Variants in WDPCP observed in about 807,000 individuals in gnomAD.
WDPCP encodes WD repeat-containing and planar cell polarity effector protein fritz homolog.
A neutral mutation model predicts 93.1 loss-of-function variants in WDPCP; 71 were observed. The ratio of observed to expected loss-of-function variants is 0.76; its 90% CI spans 0.63 to 0.93. The LOEUF (loss-of-function observed/expected upper bound fraction) is 0.93, where lower values mean the gene tolerates loss of function less well. Among genes scored for constraint, WDPCP ranks in the 40% least tolerant of loss-of-function variants. The pLI, the probability that WDPCP is intolerant of heterozygous loss-of-function variation, is 0.00. For missense variants in WDPCP, 844 were observed against 887.4 expected (o/e 0.95, Z 0.62); for synonymous variants, 315 against 315.0 (o/e 1.00, Z 0.00).
intron 1 of WDPCP, among the ~76,000 whole-genome samples, chr2:63,493,838 A>T (rs1018288683): frequency 9.2e-5 from 14 of 152,202 alleles, no homozygotes; most frequent in Non-Finnish European, 1.5e-4. Context: ...TAAACTATGG[A>T]CATTTTCTTT....
At chr2:63,558,081 A>G (rs1294189063) in intron 1 of WDPCP, among the ~76,000 whole-genome samples, 1 of 152,208 alleles carries the variant, frequency 6.6e-6, no homozygotes, top group Admixed American at 6.5e-5. Context: ...ATCACAACTA[A>G]AAGAGCTAGA....
At chr2:63,173,079 T>C (rs1018354759) in intron 15 of WDPCP, among the ~76,000 whole-genome samples, 2 of 152,076 alleles carry the variant, frequency 1.3e-5, no homozygotes, top group Non-Finnish European at 2.9e-5. Context: ...CTGGCCAACA[T>C]GGTGAAACCC....
chr2:63,266,815 A>C (rs1208882843), intron 13 of WDPCP, among the ~76,000 whole-genome samples: 2 of 152,120 alleles, frequency 1.3e-5, no homozygotes, highest in Non-Finnish European at 2.9e-5. Context: ...CAATCAATCA[A>C]TCAATCAATA....
intron 1 of WDPCP, among the ~76,000 whole-genome samples, chr2:63,500,421 T>A (rs944237729): frequency 1.3e-5 from 2 of 151,008 alleles, no homozygotes; most frequent in African/African-American, 4.9e-5. Flanking sequence ...TAATATAGTG[T>A]CAAGAAAGCC....
At chr2:63,137,632 G>A (rs1249428509) in intron 17 of WDPCP, among the ~76,000 whole-genome samples, 1 of 151,964 alleles carries the variant, frequency 6.6e-6, no homozygotes, top group Non-Finnish European at 1.5e-5. Context: ...CTGTGCCCAT[G>A]CCTGTGTCCT....
At chr2:63,474,994 T>G (rs1699893225) in intron 6 of WDPCP, among the ~76,000 whole-genome samples, 1 of 152,166 alleles carries the variant, frequency 6.6e-6, no homozygotes, top group African/African-American at 2.4e-5. Context: ...TTTTCTGCCT[T>G]AAGCATGTCT....
intron 13 of WDPCP, among the ~76,000 whole-genome samples, chr2:63,296,362 G>A (rs1684855390): frequency 6.6e-6 from 1 of 152,226 alleles, no homozygotes; most frequent in South Asian, 2.1e-4. Flanking sequence ...AAATTTGCAA[G>A]CATTCCCCCT....
At chr2:63,145,250 C>T (rs772141336) in intron 17 of WDPCP, among the ~76,000 whole-genome samples, 9 of 151,960 alleles carry the variant, frequency 5.9e-5, no homozygotes, top group Non-Finnish European at 8.8e-5. Flanking sequence ...CCAGGAGGTG[C>T]GCTTTCCAGA....
chr2:63,588,016 C>G (rs1487115958), intron 1 of WDPCP, among the ~76,000 whole-genome samples, 181 bp downstream of exon 1: 2 of 152,202 alleles, frequency 1.3e-5, no homozygotes, highest in African/African-American at 2.4e-5. Context: ...TGCACCTACT[C>G]CAGGGCACCA....
At chr2:63,382,162 T>C in intron 10 of WDPCP, 68 bp from the exon 11 acceptor site, 3 of 1,503,192 alleles carry the variant, frequency 2.0e-6, no homozygotes, top group Non-Finnish European at 2.7e-6. Flanking sequence ...AGAGTTAATT[T>C]TTCCATAAAG....
chr2:63,764,902 G>C (rs1232087132), intron 2 of WDPCP, among the ~76,000 whole-genome samples: 2 of 152,158 alleles, frequency 1.3e-5, no homozygotes, highest in Non-Finnish European at 2.9e-5. Flanking sequence ...TGTTTGGATG[G>C]GGTAGAGTAG....
intron 1 of WDPCP, among the ~76,000 whole-genome samples, chr2:63,565,081 T>A (rs576930078): frequency 6.6e-6 from 1 of 152,288 alleles, no homozygotes; most frequent in Admixed American, 6.5e-5. Flanking sequence ...TGGCCAAAAC[T>A]GCACTTTTTA....
chr2:63,671,518 T>C (rs2604616), intron 2 of WDPCP, among the ~76,000 whole-genome samples: 19,923 of 152,100 alleles, frequency 0.13, 1,687 homozygotes, highest in Admixed American at 0.22. Context: ...TCCCTCTTCA[T>C]TTTCTTTCAC....
At position 63,260,495 on chromosome 2, in the gene WDPCP, G is replaced by C. The variant is rs1181433878; in HGVS notation, c.1813-1086C>G. The stretch of plus-strand genomic sequence containing the variant: ...GTAAATAATAATTACAGGTTGCAAA[G>C]TTTTGGGAAAACAGGCATGTAACAT... On this transcript the variant is annotated intron_variant, in intron 13 of 17. Coordinates refer to ENST00000272321, the MANE Select transcript of WDPCP (RefSeq NM_015910.7). 3.3e-5 allele frequency among the ~76,000 whole-genome samples: 5 copies of C among 152,166 alleles called. 1 individual carries two copies. Among genetic ancestry groups the C allele is most frequent in the Admixed American group, 3.3e-4 (5 of 15,260 alleles).
At chr2:63,706,957 C>G (rs1669165657) in intron 2 of WDPCP, among the ~76,000 whole-genome samples, 1 of 152,208 alleles carries the variant, frequency 6.6e-6, no homozygotes, top group African/African-American at 2.4e-5. Context: ...ATTGGCCCCC[C>G]ACTCTCTTCT....
intron 2 of WDPCP, among the ~76,000 whole-genome samples, chr2:63,691,414 C>A (rs901520607): frequency 6.6e-6 from 1 of 152,148 alleles, no homozygotes; most frequent in African/African-American, 2.4e-5. Context: ...GCGGGCAGAT[C>A]ACTTGAGGTC....
intron 2 of WDPCP, among the ~76,000 whole-genome samples, chr2:63,651,861 C>A (rs956427439): frequency 1.3e-5 from 2 of 152,122 alleles, no homozygotes; most frequent in East Asian, 3.9e-4. Context: ...CTGAGCTTAA[C>A]CTTGAAGAAT....
intron 1 of WDPCP, among the ~76,000 whole-genome samples, chr2:63,569,795 C>A (rs1279723764): frequency 6.6e-6 from 1 of 152,162 alleles, no homozygotes; most frequent in Non-Finnish European, 1.5e-5. Flanking sequence ...GTAGATGGGG[C>A]TAGCAAGCAT....
At chr2:63,292,964 A>G (rs567468895) in intron 13 of WDPCP, among the ~76,000 whole-genome samples, 98 of 152,336 alleles carry the variant, frequency 6.4e-4, no homozygotes, top group Non-Finnish European at 9.4e-4. Context: ...CACCTTCCAG[A>G]GCAGCTGGTG....
Sources: gnomAD v4.1 joint callset for allele counts (sites outside exome capture counted in the v4.1 genomes callset) on GRCh38, gnomAD v4.1.1 for gene constraint, MANE v1.5 for transcripts, NCBI Gene and HGNC (gene_info 2026-07-23, HGNC 2026-07-21) for gene names.